BCAS3: variants seen among roughly 807,000 people sequenced by gnomAD.
The protein encoded by BCAS3 is BCAS3 microtubule associated cell migration factor, also known as BCAS4/BCAS3 fusion.
BCAS3 carries 53 observed loss-of-function variants against 116.1 expected under a neutral mutation model. The observed-to-expected ratio is 0.46, with a 90% CI of 0.37 to 0.57. BCAS3 has a LOEUF of 0.57. Among genes scored for constraint, BCAS3 ranks in the 20% least tolerant of loss-of-function variants. BCAS3 has a pLI of 0.00. For missense variants in BCAS3, 917 were observed against 1,165.4 expected, an observed-to-expected ratio of 0.79 and a Z score of 3.10; for synonymous variants, 391 against 408.2, an observed-to-expected ratio of 0.96 and a Z score of 0.51.
At chr17:61,086,573 T>C in intron 22 of BCAS3, 1 of 527,120 alleles carries the variant, frequency 1.9e-6, no homozygotes, top group African/African-American at 2.1e-5. Context: ...GTCCTAAGAT[T>C]ACTTAATTTG....
chr17:60,744,353 C>T (rs1454985599), intron 5 of BCAS3, among the ~76,000 whole-genome samples: 1 of 152,090 alleles, frequency 6.6e-6, no homozygotes, highest in Non-Finnish European at 1.5e-5. Flanking sequence ...TCAGTTTTGG[C>T]ACTTATTTGA....
chr17:61,285,185 A>C lies in BCAS3; in HGVS notation c.2426-83142A>C, dbSNP rs1325270416. On this transcript the variant is annotated intron_variant, in intron 22 of 23. Coordinates refer to ENST00000407086, the MANE Select transcript of BCAS3 (RefSeq NM_017679.5). The surrounding 1 kb of genome is among the most constrained non-coding windows in gnomAD (Gnocchi z 5.4). ...AGGAACCAGAGAAATGAAAAGTATC[A>C]CTTGAGAACTAAATTGGGGTGTTTT... 6.6e-6 allele frequency among the ~76,000 whole-genome samples: 1 copy of C among 151,070 alleles called. No homozygotes were observed. Among genetic ancestry groups the C allele is most frequent in the Non-Finnish European group, 1.5e-5 (1 of 67,944 alleles).
At chr17:61,360,176 A>T (rs946613010) in intron 22 of BCAS3, among the ~76,000 whole-genome samples, 1 of 151,486 alleles carries the variant, frequency 6.6e-6, no homozygotes, top group East Asian at 2.0e-4. Flanking sequence ...GATAATTTTT[A>T]TATTTTTTAG....
intron 17 of BCAS3, among the ~76,000 whole-genome samples, chr17:61,035,928 T>C: frequency 6.6e-6 from 1 of 152,166 alleles, no homozygotes. Flanking sequence ...AGCTTATGAA[T>C]TGTTTATTTC....
chr17:61,127,251 G>C (rs2076093344), intron 22 of BCAS3, among the ~76,000 whole-genome samples: 1 of 152,102 alleles, frequency 6.6e-6, no homozygotes, highest in South Asian at 2.1e-4. Context: ...AGATTGAGGG[G>C]TCTCTATTCC....
chr17:61,231,790 A>ATCATTTG (rs2082692840), intron 22 of BCAS3, among the ~76,000 whole-genome samples: 1 of 149,680 alleles, frequency 6.7e-6, no homozygotes, highest in Non-Finnish European at 1.5e-5. Flanking sequence ...AAGTGGGAGG[A>ATCATTTG]TCATTTGAGC....
intron 22 of BCAS3, among the ~76,000 whole-genome samples, chr17:61,110,591 T>C (rs998953226): frequency 9.2e-5 from 14 of 152,190 alleles, no homozygotes; most frequent in African/African-American, 3.4e-4. Flanking sequence ...GGGAGGGTCC[T>C]ACGCCCACGG....
At chr17:61,268,509 A>T (rs1218200506) in intron 22 of BCAS3, among the ~76,000 whole-genome samples, 1 of 152,198 alleles carries the variant, frequency 6.6e-6, no homozygotes, top group African/African-American at 2.4e-5. Context: ...AGAATTTTTC[A>T]TCATACAAAA....
At chr17:61,067,896 A>G (rs1462268910) in intron 19 of BCAS3, among the ~76,000 whole-genome samples, 2 of 152,106 alleles carry the variant, frequency 1.3e-5, no homozygotes, top group Non-Finnish European at 2.9e-5. Context: ...CAGTTACCTC[A>G]TAATGATCTA....
At chr17:61,252,302 T>G (rs556057512) in intron 22 of BCAS3, among the ~76,000 whole-genome samples, 1 of 152,142 alleles carries the variant, frequency 6.6e-6, no homozygotes, top group South Asian at 2.1e-4. Flanking sequence ...GAAAAGAGAG[T>G]GTATTTAGGA....
chr17:61,024,558 C>T (rs1006144423), intron 16 of BCAS3, among the ~76,000 whole-genome samples: 2 of 151,790 alleles, frequency 1.3e-5, no homozygotes, highest in Admixed American at 6.6e-5. Context: ...CTGAGTTTTA[C>T]GGTGCATTTT....
At chr17:61,290,082 G>A (rs1435138939) in intron 22 of BCAS3, among the ~76,000 whole-genome samples, 1 of 152,180 alleles carries the variant, frequency 6.6e-6, no homozygotes, top group African/African-American at 2.4e-5. Flanking sequence ...GGAAGGGAGT[G>A]TGGTGGTGGA....
intron 22 of BCAS3, among the ~76,000 whole-genome samples, chr17:61,277,370 G>A (rs1359706199): frequency 6.6e-6 from 1 of 150,622 alleles, no homozygotes; most frequent in Non-Finnish European, 1.5e-5. Flanking sequence ...AGACCTAAAT[G>A]TAAGAGGTGA....
chr17:61,045,979 AT>A (rs1222124539), intron 19 of BCAS3, among the ~76,000 whole-genome samples: 3 of 10,180 alleles, frequency 2.9e-4, no homozygotes, highest in Admixed American at 4.9e-3. Context: ...TATATATATT[AT>A]ATATATATTT....
chr17:60,745,488 G>GT (rs2041948330), intron 5 of BCAS3, among the ~76,000 whole-genome samples: 1 of 151,968 alleles, frequency 6.6e-6, no homozygotes, highest in African/African-American at 2.4e-5. Flanking sequence ...AAAAAAGACT[G>GT]TAATTTTTAG....
chr17:60,813,712 G>A (rs1010671780), intron 7 of BCAS3, among the ~76,000 whole-genome samples: 2 of 152,096 alleles, frequency 1.3e-5, no homozygotes, highest in Admixed American at 6.6e-5. Context: ...TTGCTTTTGA[G>A]GACTTTGCCA....
Position 61,302,740 on chromosome 17 carries a change from C to T in BCAS3, c.2426-65587C>T, listed in dbSNP as rs555414693. 6.6e-6 allele frequency among the ~76,000 whole-genome samples: 1 copy of T among 152,166 alleles called. No homozygotes were observed. The highest frequency in any genetic ancestry group is 6.5e-5 in the Admixed American group (1 of 15,270). On this transcript the variant is annotated intron_variant, in intron 22 of 23. Coordinates refer to ENST00000407086, the MANE Select transcript of BCAS3 (RefSeq NM_017679.5). This position sits in a 1 kb window ranked among gnomAD's most constrained non-coding sequence, Gnocchi z 4.4. ...CCCACTTTATCTGATCCTTCATTTA[C>T]AATATCAGCTACGGCCTCTGGATGT... is the stretch of plus-strand genomic sequence containing the variant.
intron 5 of BCAS3, among the ~76,000 whole-genome samples, chr17:60,718,756 T>A (rs182203682): frequency 6.5e-4 from 99 of 152,338 alleles, no homozygotes; most frequent in African/African-American, 2.2e-3. Flanking sequence ...ATAATTTTTT[T>A]GCCCATTAAA....
At chr17:60,738,690 G>A (rs529583882) in intron 5 of BCAS3, among the ~76,000 whole-genome samples, 14 of 152,200 alleles carry the variant, frequency 9.2e-5, no homozygotes, top group South Asian at 6.2e-4. Context: ...GATGTTTAAC[G>A]TGATTATTGA....
Sources: allele counts gnomAD v4.1 joint callset (sites outside exome capture counted in the v4.1 genomes callset), GRCh38; gene constraint gnomAD v4.1.1; non-coding constraint Gnocchi (gnomAD v3.1); transcripts MANE v1.5; gene names NCBI Gene and HGNC (gene_info 2026-07-23, HGNC 2026-07-21).